The following CLIC5 variants were observed in gnomAD, a reference collection of about 807,000 sequenced individuals.
CLIC5 encodes CLIC family member 5.
A neutral mutation model predicts 24.7 loss-of-function variants in CLIC5; 20 were observed. That is an observed-to-expected ratio of 0.81 (90% CI 0.57 to 1.18). The LOEUF is 1.18. CLIC5 is among the 50% of genes most tolerant of loss of function. The pLI is 0.00. For missense variants in CLIC5, 341 were observed against 326.1 expected, an observed-to-expected ratio of 1.05 and a Z score of -0.35; for synonymous variants, 159 against 135.6, an observed-to-expected ratio of 1.17 and a Z score of -1.20.
chr6:45,929,138 C>G (rs1043746826), intron 4 of CLIC5, among the ~76,000 whole-genome samples: 2 of 152,106 alleles, frequency 1.3e-5, no homozygotes, highest in Admixed American at 1.3e-4. Context: ...TCTCCCCATG[C>G]CTGCCCCATT....
intron 4 of CLIC5, among the ~76,000 whole-genome samples, chr6:45,927,886 A>G (rs1341515962): frequency 6.6e-6 from 1 of 152,152 alleles, no homozygotes. Context: ...GTCCCTTCCA[A>G]CTAAGAACCT....
At chr6:46,083,640 C>T (rs1348728435), upstream of CLIC5, among the ~76,000 whole-genome samples, 1 of 152,116 alleles carries the variant, frequency 6.6e-6, no homozygotes, top group Non-Finnish European at 1.5e-5. Flanking sequence ...GTCTGAGAGA[C>T]AGTTTGTTAT....
chr6:46,083,090 AT>A (rs1200971926), upstream of CLIC5, among the ~76,000 whole-genome samples: 1 of 152,180 alleles, frequency 6.6e-6, no homozygotes, highest in Non-Finnish European at 1.5e-5. Flanking sequence ...GCCCATGCCT[AT>A]TTTTTCACGT....
intron 4 of CLIC5, among the ~76,000 whole-genome samples, chr6:45,914,968 T>C (rs1039181760): frequency 6.6e-6 from 1 of 152,000 alleles, no homozygotes; most frequent in Non-Finnish European, 1.5e-5. Flanking sequence ...TCTCACTCTG[T>C]CACTAAGCTG....
chr6:46,114,521 G>C, the CLIC5 span, among the ~76,000 whole-genome samples: 1 of 152,016 alleles, frequency 6.6e-6, no homozygotes, highest in Admixed American at 6.6e-5. Flanking sequence ...ACTCTTACTG[G>C]GCATCTTAAT....
intron 1 of CLIC5, among the ~76,000 whole-genome samples, chr6:46,026,161 C>T (rs1428488617): frequency 6.6e-6 from 1 of 152,068 alleles, no homozygotes; most frequent in Non-Finnish European, 1.5e-5. Context: ...GAGAAAATTA[C>T]AAGTGCTTTC....
In CLIC5 at chr6:46,069,491, C is replaced by A. The variant is rs189411442; in HGVS notation, c.540+10212G>T. ...ATTGATAAATTCCTGGACACATACA[C>A]CCTCCCAAGACTGAACCAGGAAGAA... On this transcript the variant is annotated intron_variant, in intron 1 of 5. Transcript: ENST00000185206. 3.9e-5 allele frequency among the ~76,000 whole-genome samples: 6 copies of A among 152,156 alleles called. No homozygotes were observed. In the East Asian group the frequency reaches 1.2e-3, roughly 29 times the overall value.
intron 1 of CLIC5, among the ~76,000 whole-genome samples, chr6:46,044,345 AAG>A (rs1767897983): frequency 6.6e-6 from 1 of 152,180 alleles, no homozygotes; most frequent in African/African-American, 2.4e-5. Flanking sequence ...GTAGTACCCA[AAG>A]AGGGTACATA....
At chr6:45,920,185 A>T (rs3822879) in intron 4 of CLIC5, 277,976 of 939,582 alleles carry the variant, frequency 0.3, 45,275 homozygotes, top group East Asian at 0.47. Context: ...TTCAGATATA[A>T]TTCTTAGTAC....
At chr6:46,050,239 C>A (rs1768066914) in intron 1 of CLIC5, among the ~76,000 whole-genome samples, 1 of 152,184 alleles carries the variant, frequency 6.6e-6, no homozygotes, top group African/African-American at 2.4e-5. Flanking sequence ...AGTAACTGTA[C>A]CTGCAGCTGT....
intron 1 of CLIC5, among the ~76,000 whole-genome samples, chr6:46,002,906 C>G (rs1393835928): frequency 2.6e-5 from 4 of 152,236 alleles, no homozygotes; most frequent in Admixed American, 2.0e-4. Flanking sequence ...TCATCTCCCT[C>G]TTGCTCGCCA....
intron 1 of CLIC5, among the ~76,000 whole-genome samples, chr6:46,045,090 A>C (rs1767918339): frequency 1.3e-5 from 2 of 152,118 alleles, no homozygotes; most frequent in Non-Finnish European, 2.9e-5. Flanking sequence ...TGAGAGTAAA[A>C]TGCCCTGTTG....
At chr6:46,067,514 A>C (rs1762474976) in intron 1 of CLIC5, among the ~76,000 whole-genome samples, 1 of 152,132 alleles carries the variant, frequency 6.6e-6, no homozygotes, top group Admixed American at 6.6e-5. Flanking sequence ...TTAATGCAGA[A>C]ATACAAAGGC....
At chr6:45,958,383 T>C (rs1764715731) in intron 1 of CLIC5, among the ~76,000 whole-genome samples, 1 of 136,128 alleles carries the variant, frequency 7.3e-6, no homozygotes, top group Admixed American at 8.2e-5. Flanking sequence ...TAGCAATTTC[T>C]TGGAAACTGA....
chr6:46,082,795 C>T (rs1400559825), upstream of CLIC5, among the ~76,000 whole-genome samples: 1 of 147,670 alleles, frequency 6.8e-6, no homozygotes, highest in African/African-American at 2.4e-5. Context: ...AAAACCCTTA[C>T]CCTACTTTCC....
rs145819909 is a variant in CLIC5, at chr6:45,900,962, C to T, written c.*2126G>A. 8.9e-4 allele frequency: 135 copies of T among 152,308 alleles called. No individual in the cohort carries two copies. The highest frequency in any genetic ancestry group is 2.9e-3 in the African/African-American group (122 of 41,566). The allele number at this position is 152,308 out of a possible 1,614,324, so 9.4% of individuals were successfully genotyped here. A position where few individuals can be genotyped will look rare whatever the true frequency, so the allele number is the denominator to read the frequency against. On this transcript the variant is annotated 3_prime_UTR_variant, in exon 6 of 6. Coordinates refer to ENST00000339561, the MANE Select transcript of CLIC5 (RefSeq NM_016929.5). ...CACCGGAGGCTTGGTTCTGTTTTCT[C>T]TGTGGCAATTGGCTATGATTCACAG...
At chr6:45,972,528 A>G (rs1765235484) in intron 1 of CLIC5, among the ~76,000 whole-genome samples, 1 of 152,208 alleles carries the variant, frequency 6.6e-6, no homozygotes, top group African/African-American at 2.4e-5. Flanking sequence ...CCTAAGAGGG[A>G]TAGTTTTCTT....
intron 1 of CLIC5, among the ~76,000 whole-genome samples, chr6:46,006,042 G>T (rs1408895488): frequency 2.9e-3 from 310 of 107,820 alleles, no homozygotes; most frequent in African/African-American, 9.7e-3. Context: ...ATATATACAT[G>T]TATAAATATA....
intron 3 of CLIC5, among the ~76,000 whole-genome samples, chr6:45,941,882 T>G (rs1327391938): frequency 6.6e-6 from 1 of 152,152 alleles, no homozygotes; most frequent in Non-Finnish European, 1.5e-5. Flanking sequence ...GGTGACACAG[T>G]CTGCTAGGCA....
Sources: gnomAD v4.1 joint callset for allele counts (sites outside exome capture counted in the v4.1 genomes callset) on GRCh38, gnomAD v4.1.1 for gene constraint, MANE v1.5 for transcripts, NCBI Gene and HGNC (gene_info 2026-07-23, HGNC 2026-07-21) for gene names.